Variants in LPP observed in about 807,000 individuals in gnomAD.
LPP encodes the protein lipoma-preferred partner.
Under a neutral mutation model 60.4 loss-of-function variants are expected in LPP, and 38 were observed. That is an observed-to-expected ratio of 0.63 (90% CI 0.49 to 0.83). LPP has a LOEUF of 0.83. LPP is among the 40% of genes least tolerant of loss of function. The probability of loss-of-function intolerance (pLI) is 0.00; values close to 1 mark genes in which losing one functional copy is unlikely to be tolerated. For synonymous variants in LPP, 328 were observed against 290.8 expected (o/e 1.13, Z -1.30); for missense variants, 902 against 783.6 (o/e 1.15, Z -1.80).
At chr3:188,264,190 A>G (rs1249795904) in intron 2 of LPP, among the ~76,000 whole-genome samples, 1 of 152,116 alleles carries the variant, frequency 6.6e-6, no homozygotes, top group Non-Finnish European at 1.5e-5. Context: ...GAGTAAGTGC[A>G]CATGCTACCT....
At chr3:188,654,711 A>G (rs1315310636) in intron 7 of LPP, among the ~76,000 whole-genome samples, 1 of 152,214 alleles carries the variant, frequency 6.6e-6, no homozygotes, top group East Asian at 1.9e-4. Context: ...GAGTTTCTGC[A>G]TGACCCCCAA....
At chr3:188,549,469 A>C (rs568307659) in intron 6 of LPP, among the ~76,000 whole-genome samples, 9 of 152,198 alleles carry the variant, frequency 5.9e-5, no homozygotes, top group Non-Finnish European at 1.3e-4. Context: ...GGATGTTAGC[A>C]TGACTGATAG....
chr3:188,574,493 A>G (rs1326675957), intron 6 of LPP, among the ~76,000 whole-genome samples: 1 of 152,210 alleles, frequency 6.6e-6, no homozygotes, highest in Non-Finnish European at 1.5e-5. Flanking sequence ...CTGCATTTTA[A>G]TATCGCACTT....
At chr3:188,361,550 T>TCCTCTCCTCC (rs1769392541) in intron 3 of LPP, among the ~76,000 whole-genome samples, 4 of 75,988 alleles carry the variant, frequency 5.3e-5, no homozygotes, top group South Asian at 5.1e-4. Flanking sequence ...TCCTCCCCTC[T>TCCTCTCCTCC]CCTCTCCTCT....
At chr3:188,662,121 C>T (rs766474722) in intron 7 of LPP, among the ~76,000 whole-genome samples, 7 of 152,228 alleles carry the variant, frequency 4.6e-5, no homozygotes, top group Non-Finnish European at 7.3e-5. Flanking sequence ...AACTTTCTCT[C>T]AGTTATGCGA....
chr3:188,495,803 A>AAC (rs1181495727), intron 5 of LPP, among the ~76,000 whole-genome samples: 2 of 152,204 alleles, frequency 1.3e-5, no homozygotes, highest in East Asian at 3.9e-4. Context: ...GGGGCACAGA[A>AAC]ACACCTTGTT....
At chr3:188,542,865 G>T (rs555832521) in intron 6 of LPP, among the ~76,000 whole-genome samples, 3 of 152,112 alleles carry the variant, frequency 2.0e-5, no homozygotes, top group Non-Finnish European at 4.4e-5. Flanking sequence ...TACATAGATC[G>T]AAATCTAGTC....
At chr3:188,362,739 T>C (rs1769869463) in intron 3 of LPP, among the ~76,000 whole-genome samples, 3 of 152,338 alleles carry the variant, frequency 2.0e-5, no homozygotes, top group African/African-American at 4.8e-5. Context: ...ATAAGGTCAC[T>C]GCGGAAGAAA....
At chr3:188,596,631 G>T (rs748157684) in intron 6 of LPP, among the ~76,000 whole-genome samples, 9 of 151,994 alleles carry the variant, frequency 5.9e-5, no homozygotes, top group Non-Finnish European at 1.2e-4. Flanking sequence ...AAAAAACTGA[G>T]CAAACATCTA....
At chr3:188,376,230 G>T (rs1775035820) in intron 3 of LPP, among the ~76,000 whole-genome samples, 1 of 151,686 alleles carries the variant, frequency 6.6e-6, no homozygotes, top group Non-Finnish European at 1.5e-5. Context: ...TCTGCTTGGT[G>T]CAGAGCTGAG....
intron 7 of LPP, among the ~76,000 whole-genome samples, chr3:188,641,080 G>C (rs1850018214): frequency 6.6e-6 from 1 of 151,748 alleles, no homozygotes; most frequent in Non-Finnish European, 1.5e-5. Context: ...ATTTTTCTCA[G>C]AAGGTTAAAT....
At position 188,406,168 on chromosome 3, in the gene LPP, C is replaced by A; in HGVS notation, c.48C>A (p.Leu16=). ...WLPPKSTGEP[L]GHVPARMETT... is the part of the protein sequence containing the mutation. ...CACCCAAAAGCACTGGTGAGCCCCT[C>A]GGCCATGTGCCTGCACGGATGGAGA... is the stretch of plus-strand genomic sequence containing the variant. Residue 16 remains leucine, a synonymous_variant, in exon 4 of 12, where the codon CTC becomes CTA. Coordinates refer to ENST00000617246, the MANE Select transcript of LPP (RefSeq NM_001375462.1). 6.2e-7 allele frequency: 1 copy of A among 1,614,136 alleles called. No individual in the cohort carries two copies. Among genetic ancestry groups the A allele is most frequent in the African/African-American group, 1.3e-5 (1 of 75,050 alleles).
intron 8 of LPP, among the ~76,000 whole-genome samples, chr3:188,759,097 G>A (rs538879898): frequency 9.2e-5 from 14 of 152,314 alleles, no homozygotes; most frequent in African/African-American, 1.9e-4. Flanking sequence ...AGATGTGGAC[G>A]TGACGTCTAG....
intron 8 of LPP, chr3:188,710,631 A>G (rs1866441396): frequency 6.6e-6 from 1 of 152,196 alleles, no homozygotes; most frequent in Non-Finnish European, 1.5e-5. Flanking sequence ...AGGAGGGTTT[A>G]TAATGGGGTC....
At chr3:188,212,057 C>G (rs537426834) in intron 1 of LPP, among the ~76,000 whole-genome samples, 1 of 152,218 alleles carries the variant, frequency 6.6e-6, no homozygotes, top group Non-Finnish European at 1.5e-5. Flanking sequence ...CCAGTTTTCA[C>G]CATGTTGGCC....
Position 188,501,196 on chromosome 3 carries a change from A to T in LPP, c.306+16492A>T, listed in dbSNP as rs193139944. On this transcript the variant is annotated intron_variant, in intron 5 of 11. Coordinates refer to ENST00000617246, the MANE Select transcript of LPP (RefSeq NM_001375462.1). ...TAAATTTAATGGTGTATAGCTATAA[A>T]TTGCCTCGTTTGCACTGTTTTCACT... 3.9e-3 allele frequency among the ~76,000 whole-genome samples: 601 copies of T among 152,168 alleles called. 1 individual carries two copies. Among genetic ancestry groups the T allele is most frequent in the Non-Finnish European group, 6.0e-3 (410 of 68,010 alleles).
chr3:188,653,770 C>A (rs866230606), intron 7 of LPP, among the ~76,000 whole-genome samples: 1 of 152,026 alleles, frequency 6.6e-6, no homozygotes, highest in African/African-American at 2.4e-5. Flanking sequence ...GCATTTTGAT[C>A]TTTTTATCTC....
chr3:188,311,143 A>G (rs1753260554), intron 2 of LPP, among the ~76,000 whole-genome samples: 2 of 151,448 alleles, frequency 1.3e-5, no homozygotes, highest in South Asian at 4.2e-4. Flanking sequence ...CAGTGGCCCC[A>G]ATTTTTTTTT....
chr3:188,269,667 G>GTGTGTA (rs1273978739), intron 2 of LPP, among the ~76,000 whole-genome samples: 2 of 151,478 alleles, frequency 1.3e-5, no homozygotes, highest in Non-Finnish European at 2.9e-5. Flanking sequence ...GTGTGTGTGT[G>GTGTGTA]TGTGTGTGTG....
Sources: allele counts gnomAD v4.1 joint callset (sites outside exome capture counted in the v4.1 genomes callset), GRCh38; gene constraint gnomAD v4.1.1; transcripts MANE v1.5; gene names NCBI Gene and HGNC (gene_info 2026-07-23, HGNC 2026-07-21).